The following SYNJ2 variants were observed in gnomAD, a reference collection of about 807,000 sequenced individuals.
SYNJ2 encodes the protein synaptojanin 2.
SYNJ2 carries 116 observed loss-of-function variants against 141.3 expected under a neutral mutation model. That is an observed-to-expected ratio of 0.82 (90% CI 0.71 to 0.96). The LOEUF (loss-of-function observed/expected upper bound fraction) is 0.96, where lower values mean the gene tolerates loss of function less well. Ranked by LOEUF, SYNJ2 falls within the 40% of genes least tolerant of loss-of-function variation. SYNJ2 has a pLI of 0.00. For synonymous variants in SYNJ2, 745 were observed against 777.7 expected, an observed-to-expected ratio of 0.96 and a Z score of 0.70; for missense variants, 1,873 against 1,934.8, an observed-to-expected ratio of 0.97 and a Z score of 0.60.
At chr6:158,065,296 C>T (rs1488244256) in intron 11 of SYNJ2, among the ~76,000 whole-genome samples, 2 of 152,210 alleles carry the variant, frequency 1.3e-5, no homozygotes, top group African/African-American at 4.8e-5. Context: ...TGAATGCTAA[C>T]CTACTCCAGA....
chr6:158,007,726 TC>T (rs1041965396), intron 1 of SYNJ2, among the ~76,000 whole-genome samples: 1 of 152,178 alleles, frequency 6.6e-6, no homozygotes, highest in Non-Finnish European at 1.5e-5. Flanking sequence ...CCCTGCAACC[TC>T]CGCCTCCCAG....
chr6:157,994,126 T>C (rs1174790855), intron 1 of SYNJ2, among the ~76,000 whole-genome samples: 1 of 152,152 alleles, frequency 6.6e-6, no homozygotes, highest in Admixed American at 6.5e-5. Flanking sequence ...AGCCAGTGTG[T>C]GGTCTTTTTT....
rs1781862658 is a variant in SYNJ2 at position 158,070,679 on chromosome 6, TG to T, written c.1941-922del. On this transcript the variant is annotated intron_variant, in intron 14 of 26. Coordinates refer to ENST00000355585, the MANE Select transcript of SYNJ2 (RefSeq NM_003898.4). This position sits in a 1 kb window ranked among gnomAD's most constrained non-coding sequence, Gnocchi z 4.0. ...CTTCCATCAGTCATCCCCCCAACCT[TG>T]TCTGCCAGCGAGCAGATGCACCAGC... is the stretch of plus-strand genomic sequence containing the variant. Among the ~76,000 whole-genome samples, 1 of 152,076 alleles carries T rather than the reference TG, an allele frequency of 6.6e-6. No individual in the cohort carries two copies. The highest frequency in any genetic ancestry group is 1.9e-4 in the East Asian group (1 of 5,176).
chr6:157,983,144 T>C (rs551667632), intron 1 of SYNJ2, among the ~76,000 whole-genome samples: 1 of 152,358 alleles, frequency 6.6e-6, no homozygotes, highest in Non-Finnish European at 1.5e-5. Flanking sequence ...CCTCTAGCCT[T>C]CTTTTCACAT....
intron 4 of SYNJ2, among the ~76,000 whole-genome samples, chr6:158,037,481 A>G (rs929735081): frequency 6.9e-6 from 1 of 145,854 alleles, no homozygotes; most frequent in African/African-American, 2.6e-5. Context: ...GGCTCACTGC[A>G]AGCTCTGCCT....
intron 10 of SYNJ2, 35 bp from the exon 11 acceptor site, chr6:158,064,790 AC>A (rs759497904): frequency 9.3e-6 from 15 of 1,610,344 alleles, no homozygotes; most frequent in South Asian, 2.2e-5. Context: ...GGCCCCAGGG[AC>A]CCCCCTCACG....
chr6:158,006,060 A>G (rs1191008132), intron 1 of SYNJ2, among the ~76,000 whole-genome samples: 1 of 152,084 alleles, frequency 6.6e-6, no homozygotes. Context: ...CAGCTGCATC[A>G]ATCCTCGCCT....
At chr6:158,038,466 G>A (rs915689727) in intron 4 of SYNJ2, among the ~76,000 whole-genome samples, 1 of 152,230 alleles carries the variant, frequency 6.6e-6, no homozygotes, top group African/African-American at 2.4e-5. Flanking sequence ...CCCCAGGAAG[G>A]TGGCCCTACA....
Position 158,066,574 on chromosome 6 carries a change from G to A in SYNJ2, c.1656G>A (p.Thr552=), listed in dbSNP as rs200463424. The A allele has an allele frequency of 2.6e-5, 42 of 1,614,116 alleles. No individual in the cohort carries two copies. In the East Asian group the frequency reaches 4.5e-4, roughly 17 times the overall value. Reference sequence around the variant, plus strand: ...AGTTCCGGAGCAACGTGCTCAGGACGGCGGAGCTGACAGACTGGCTGCTCG... The same window carrying A: ...AGTTCCGGAGCAACGTGCTCAGGACAGCGGAGCTGACAGACTGGCTGCTCG... ...GKQFRSNVLR[T]AELTDWLLDS... is the part of the protein sequence containing the mutation. The change falls in exon 12 of 27, where the codon ACG becomes ACA. Residue 552 remains threonine (T), a synonymous_variant. Coordinates refer to ENST00000355585, the MANE Select transcript of SYNJ2 (RefSeq NM_003898.4).
Position 158,068,691 on chromosome 6 carries a change from A to G in SYNJ2, c.1762A>G (p.Met588Val), listed in dbSNP as rs556512696. 26 of 1,614,178 alleles carry G rather than the reference A, an allele frequency of 1.6e-5. No homozygotes were observed. The highest frequency in any genetic ancestry group is 2.1e-5 in the Non-Finnish European group (25 of 1,180,040). The change falls in exon 13 of 27, where the codon ATG (methionine) becomes GTG (valine). Residue 588 changes from methionine to valine, a missense_variant. Physicochemically the swap from Met to Val is conservative, Grantham distance 21. Transcript: ENST00000355585. ...ADIFAVGFEE[M>V]VELSAGNIVN... ...CATATTTGCTGTGGGGTTTGAAGAGATGGTGGAATTGAGCGCAGGGAATAT... is the reference window on the plus strand; with the variant it reads ...CATATTTGCTGTGGGGTTTGAAGAGGTGGTGGAATTGAGCGCAGGGAATAT...
At chr6:158,054,788 G>T (rs1015465612) in intron 5 of SYNJ2, among the ~76,000 whole-genome samples, 179 bp from the exon 6 acceptor site, 8 of 152,212 alleles carry the variant, frequency 5.3e-5, no homozygotes, top group African/African-American at 1.9e-4. Context: ...CCTGAGTTTG[G>T]AGCACTGTTA....
chr6:158,074,409 A>C (rs1782135004), intron 15 of SYNJ2, among the ~76,000 whole-genome samples, 171 bp from the exon 16 acceptor site: 1 of 152,168 alleles, frequency 6.6e-6, no homozygotes, highest in South Asian at 2.1e-4. Flanking sequence ...AAATTCCTCC[A>C]TAGTTTTATG....
In SYNJ2 at chr6:158,055,908, A is replaced by G. The variant is rs147237001; in HGVS notation, c.857+880A>G. ...ACAAGACCATTGCCTTTTCCAAAGC[A>G]TTATTAGTATGTCCTGAGCATTCTA... On this transcript the variant is annotated intron_variant, in intron 6 of 26. Coordinates refer to ENST00000355585, the MANE Select transcript of SYNJ2 (RefSeq NM_003898.4). Among the ~76,000 whole-genome samples, 57 of 152,326 alleles carry G rather than the reference A, an allele frequency of 3.7e-4. 1 individual carries two copies. The East Asian group carries it at 0.01, about 28-fold the overall frequency.
chr6:158,028,820 T>C lies in SYNJ2; in HGVS notation c.279T>C (p.Asp93=). Residue 93 remains aspartate, a synonymous_variant, in exon 3 of 27, where the codon GAT becomes GAC. Transcript: ENST00000355585. ...TGCTSVGRIP[D]AEIYKITATD... ...GCACATCTGTGGGCAGAATTCCAGATGCTGAAATCTACAAAATCACTGCCA... is the reference window on the plus strand; with the variant it reads ...GCACATCTGTGGGCAGAATTCCAGACGCTGAAATCTACAAAATCACTGCCA... 1 of 1,614,176 alleles carries C rather than the reference T, an allele frequency of 6.2e-7. No individual in the cohort carries two copies. The highest frequency in any genetic ancestry group is 8.5e-7 in the Non-Finnish European group (1 of 1,180,022).
chr6:157,987,954 C>G (rs563366115), intron 1 of SYNJ2, among the ~76,000 whole-genome samples: 1 of 152,318 alleles, frequency 6.6e-6, no homozygotes, highest in Non-Finnish European at 1.5e-5. Context: ...CTGGTGAGCT[C>G]GGGAGGACAA....
chr6:158,064,827 TG>T lies in SYNJ2; in HGVS notation c.1365del (p.Lys456SerfsTer2). 6.2e-7 allele frequency: 1 copy of T among 1,607,372 alleles called. No individual in the cohort carries two copies. The highest frequency in any genetic ancestry group is 8.5e-7 in the Non-Finnish European group (1 of 1,175,662). On this transcript the variant is annotated frameshift_variant and splice_region_variant, in exon 11 of 27. Transcript: ENST00000355585. LOFTEE classifies it high-confidence loss of function. Reference sequence around the variant, plus strand: ...GCCTGCGGTCTGGGCTCTCGGCAGGTGGGGAAGCTGAAGGATGGAGCCCGGT... The same window carrying T: ...GCCTGCGGTCTGGGCTCTCGGCAGGTGGGAAGCTGAAGGATGGAGCCCGGT... ...GSRALEGKAK[V>X]GKLKDGARSM...
In SYNJ2 at chr6:158,005,869, C is replaced by T. The variant is rs568435001; in HGVS notation, c.128-11335C>T. Among the ~76,000 whole-genome samples, 16 of 152,280 alleles carry T rather than the reference C, an allele frequency of 1.1e-4. No individual in the cohort carries two copies. In the East Asian group the frequency reaches 1.7e-3, roughly 17 times the overall value. On this transcript the variant is annotated intron_variant, in intron 1 of 26. Coordinates refer to ENST00000355585, the MANE Select transcript of SYNJ2 (RefSeq NM_003898.4). ...GCTGGCTCCCTGCACCACCACTACC[C>T]GCCCACCATGTCTGTCCCCCTTCCC...
chr6:158,039,178 T>C (rs764864621), intron 4 of SYNJ2, among the ~76,000 whole-genome samples: 9 of 152,256 alleles, frequency 5.9e-5, no homozygotes, highest in Non-Finnish European at 8.8e-5. Context: ...TATTTTTGTT[T>C]ATGTCACTTT....
intron 1 of SYNJ2, among the ~76,000 whole-genome samples, chr6:157,986,420 A>G (rs1306753120): frequency 6.6e-6 from 1 of 151,800 alleles, no homozygotes; most frequent in Non-Finnish European, 1.5e-5. Flanking sequence ...TGCAACCCCC[A>G]CCTCCCAGGT....
Sources: gnomAD v4.1 joint callset for allele counts (sites outside exome capture counted in the v4.1 genomes callset) on GRCh38, gnomAD v4.1.1 for gene constraint, Gnocchi (gnomAD v3.1) non-coding constraint, MANE v1.5 for transcripts, NCBI Gene and HGNC (gene_info 2026-07-23, HGNC 2026-07-21) for gene names.